The following ME3 variants were observed in gnomAD, a reference collection of about 807,000 sequenced individuals.
The protein encoded by ME3 is malic enzyme 3.
Under a neutral mutation model 68.9 loss-of-function variants are expected in ME3, and 48 were observed. The observed-to-expected ratio is 0.70, with a 90% confidence interval of 0.55 to 0.89. The LOEUF (loss-of-function observed/expected upper bound fraction) is 0.89, where lower values mean the gene tolerates loss of function less well. Among genes scored for constraint, ME3 ranks in the 40% least tolerant of loss-of-function variants. The probability of loss-of-function intolerance (pLI) is 0.00; values close to 1 mark genes in which losing one functional copy is unlikely to be tolerated. For missense variants in ME3, 675 were observed against 797.4 expected (o/e 0.85, Z 1.85); for synonymous variants, 320 against 318.8 (o/e 1.00, Z -0.04).
At chr11:86,634,067 A>ACC (rs1944182706) in intron 2 of ME3, among the ~76,000 whole-genome samples, 1 of 151,874 alleles carries the variant, frequency 6.6e-6, no homozygotes, top group South Asian at 2.1e-4. Flanking sequence ...CCCAAAATAC[A>ACC]CCCCTCTCCT....
chr11:86,615,419 T>C (rs1028022565), intron 2 of ME3, among the ~76,000 whole-genome samples: 1 of 152,180 alleles, frequency 6.6e-6, no homozygotes, highest in African/African-American at 2.4e-5. Context: ...ATTTTATGGA[T>C]GAAGAAATGG....
chr11:86,600,882 T>A lies in ME3; in HGVS notation c.184-41059A>T, dbSNP rs1483413217. ...GTACACAACGAAATGAAGGCAGAAA[T>A]AAAGATGTTCTTTGAAACCAATGAG... On this transcript the variant is annotated intron_variant, in intron 2 of 14. Coordinates refer to ENST00000543262, the Ensembl canonical transcript of ME3. 2.0e-5 allele frequency among the ~76,000 whole-genome samples: 3 copies of A among 151,206 alleles called. No homozygotes were observed. In the East Asian group the frequency reaches 5.9e-4, roughly 30 times the overall value.
intron 8 of ME3, among the ~76,000 whole-genome samples, chr11:86,456,798 A>G (rs1275260024): frequency 1.3e-5 from 2 of 152,220 alleles, no homozygotes; most frequent in Non-Finnish European, 2.9e-5. Context: ...GTCAGCTGCC[A>G]TTTATTGATC....
chr11:86,436,175 A>G (rs1218692501), downstream of ME3: 2 of 151,548 alleles, frequency 1.3e-5, no homozygotes, highest in African/African-American at 4.9e-5. Context: ...AAAGTTCTCC[A>G]CATTCTTACC....
chr11:86,633,346 C>A (rs1565243359), intron 2 of ME3, among the ~76,000 whole-genome samples: 1 of 152,090 alleles, frequency 6.6e-6, no homozygotes, highest in Non-Finnish European at 1.5e-5. Context: ...TATTATTAAC[C>A]CTATTTTGTA....
chr11:86,613,459 G>A (rs1455197977), intron 2 of ME3, among the ~76,000 whole-genome samples: 1 of 152,168 alleles, frequency 6.6e-6, no homozygotes, highest in African/African-American at 2.4e-5. Flanking sequence ...AGTATTGGAA[G>A]TTCCGACCAG....
intron 14 of ME3, 148 bp from the exon 15 acceptor site, chr11:86,441,588 G>T: frequency 1.3e-6 from 1 of 761,064 alleles, no homozygotes; most frequent in Non-Finnish European, 2.0e-6. Flanking sequence ...AACTGGATAG[G>T]AAGGATTTTA....
At chr11:86,616,862 C>T (rs1227377007) in intron 2 of ME3, among the ~76,000 whole-genome samples, 1 of 151,952 alleles carries the variant, frequency 6.6e-6, no homozygotes, top group Non-Finnish European at 1.5e-5. Flanking sequence ...CTGGTGAAAT[C>T]CAAAGAAAGT....
At chr11:86,564,846 G>C (rs1436612664) in intron 2 of ME3, among the ~76,000 whole-genome samples, 1 of 152,026 alleles carries the variant, frequency 6.6e-6, no homozygotes, top group East Asian at 1.9e-4. Context: ...AGGTAAACTG[G>C]ACTTCATCAA....
intron 7 of ME3, among the ~76,000 whole-genome samples, chr11:86,466,580 G>A (rs2138746075): frequency 6.6e-6 from 1 of 152,346 alleles, no homozygotes; most frequent in South Asian, 2.1e-4. Context: ...TCTTTCTGAT[G>A]AGGCTGGTGG....
chr11:86,672,071 G>T, intron 1 of ME3, 113 bp from the exon 2 acceptor site: 3 of 865,986 alleles, frequency 3.5e-6, no homozygotes, highest in Non-Finnish European at 4.8e-6. Context: ...GAGGGCAGGT[G>T]CTCCCAAAGG....
chr11:86,453,000 G>T (rs1042218320), intron 8 of ME3, among the ~76,000 whole-genome samples: 15 of 149,918 alleles, frequency 1.0e-4, no homozygotes, highest in Non-Finnish European at 1.6e-4. Context: ...TTTTGTTTTT[G>T]TTTTTGTTTT....
chr11:86,472,289 C>T (rs1211981393), intron 7 of ME3, among the ~76,000 whole-genome samples: 2 of 152,126 alleles, frequency 1.3e-5, no homozygotes, highest in South Asian at 2.1e-4. Flanking sequence ...CTTTCATGCC[C>T]ATGTAAACAG....
intron 4 of ME3, among the ~76,000 whole-genome samples, chr11:86,551,279 C>T (rs567857197): frequency 1.4e-4 from 21 of 152,192 alleles, no homozygotes; most frequent in Admixed American, 1.0e-3. Flanking sequence ...TCCTGTGATC[C>T]GAGCTTGGAG....
At chr11:86,465,496 G>T (rs1362308167) in intron 7 of ME3, among the ~76,000 whole-genome samples, 5 of 152,140 alleles carry the variant, frequency 3.3e-5, no homozygotes, top group African/African-American at 1.2e-4. Context: ...GCCATGGCCA[G>T]CCCTGGGAGT....
At chr11:86,534,745 G>A (rs1043946795) in intron 4 of ME3, among the ~76,000 whole-genome samples, 13 of 152,062 alleles carry the variant, frequency 8.5e-5, no homozygotes, top group Admixed American at 2.6e-4. Flanking sequence ...AATATTTTTT[G>A]TTTCCTTATA....
intron 7 of ME3, among the ~76,000 whole-genome samples, chr11:86,478,784 T>G (rs554246171): frequency 1.3e-5 from 2 of 152,350 alleles, no homozygotes; most frequent in East Asian, 3.9e-4. Flanking sequence ...GTGGAAAGTA[T>G]TTCATTTCTA....
At chr11:86,644,070 T>C (rs1060779) in intron 2 of ME3, among the ~76,000 whole-genome samples, 8,980 of 152,212 alleles carry the variant, frequency 0.059, 287 homozygotes, top group African/African-American at 0.074. Context: ...GTAATTGCAA[T>C]AAGCAGTGGT....
At chr11:86,620,899 C>T (rs757336300) in intron 2 of ME3, among the ~76,000 whole-genome samples, 2 of 152,232 alleles carry the variant, frequency 1.3e-5, no homozygotes, top group African/African-American at 4.8e-5. Flanking sequence ...TCAGATCCAT[C>T]TGACCTAGGC....
Sources: allele counts gnomAD v4.1 joint callset (sites outside exome capture counted in the v4.1 genomes callset), GRCh38; gene constraint gnomAD v4.1.1; transcripts MANE v1.5; gene names NCBI Gene and HGNC (gene_info 2026-07-23, HGNC 2026-07-21).